Variants in TMEM106B observed in about 807,000 individuals in gnomAD.
TMEM106B encodes transmembrane protein 106B.
A neutral mutation model predicts 31.1 loss-of-function variants in TMEM106B; 15 were observed. That is an observed-to-expected ratio of 0.48 (90% CI 0.32 to 0.74). TMEM106B has a LOEUF of 0.74. TMEM106B is among the 30% of genes least tolerant of loss of function. TMEM106B has a pLI of 0.03. For missense variants in TMEM106B, 283 were observed against 327.3 expected (o/e 0.86, Z 1.04); for synonymous variants, 126 against 112.5 (o/e 1.12, Z -0.76).
chr7:12,214,774 C>A, intron 1 of TMEM106B, 35 bp from the exon 2 acceptor site: 2 of 1,518,192 alleles, frequency 1.3e-6, no homozygotes, highest in Non-Finnish European at 8.9e-7. Flanking sequence ...ACTTTTTTCC[C>A]TGAAGTTTAC....
At chr7:12,216,928 A>G (rs1235559401) in intron 2 of TMEM106B, among the ~76,000 whole-genome samples, 2 of 152,078 alleles carry the variant, frequency 1.3e-5, no homozygotes, top group Admixed American at 6.6e-5. Context: ...TGCATAGGAG[A>G]TGTTACATAG....
intron 1 of TMEM106B, among the ~76,000 whole-genome samples, chr7:12,213,362 C>T (rs573270586): frequency 6.6e-6 from 1 of 151,884 alleles, no homozygotes; most frequent in South Asian, 2.1e-4. Flanking sequence ...ATGTTTAAAG[C>T]AAGAAATTTA....
In TMEM106B at chr7:12,224,113, C is replaced by T. The variant is rs964803339; in HGVS notation, c.282-113C>T. ...GATGTGAAAATTTGGTAACATTTAG[C>T]ATCTTATATATGTTGCTGCTGATAT... is the stretch of plus-strand genomic sequence containing the variant. On this transcript the variant is annotated intron_variant, in intron 3 of 7. Transcript: ENST00000396668. The T allele has an allele frequency of 2.3e-5, 22 of 950,656 alleles. No individual in the cohort carries two copies. The Admixed American group carries it at 4.7e-4, about 20-fold the overall frequency. The allele number at this position is 950,656 out of a possible 1,614,324, so 58.9% of individuals were successfully genotyped here. A position where few individuals can be genotyped will look rare whatever the true frequency, so the allele number is the denominator to read the frequency against.
At chr7:12,222,626 C>CTA (rs1781810090) in intron 3 of TMEM106B, among the ~76,000 whole-genome samples, 1 of 152,136 alleles carries the variant, frequency 6.6e-6, no homozygotes, top group South Asian at 2.1e-4. Context: ...GTTATAGATA[C>CTA]TATAAACGTG....
intron 4 of TMEM106B, among the ~76,000 whole-genome samples, chr7:12,225,782 A>G (rs1781888748): frequency 6.6e-6 from 1 of 152,154 alleles, no homozygotes; most frequent in African/African-American, 2.4e-5. Flanking sequence ...GTAGATAGCA[A>G]AAATTTTCTC....
rs1782170624 is a variant in TMEM106B, at chr7:12,237,855, A to ACACACT, written c.*5881_*5882insACACTC. The ACACACT allele has an allele frequency of 6.7e-6, 1 of 148,212 alleles. No individual in the cohort carries two copies. Among genetic ancestry groups the ACACACT allele is most frequent in the Non-Finnish European group, 1.5e-5 (1 of 66,918 alleles). 9.2% of individuals were successfully genotyped at this position (148,212 alleles called of 1,614,324 possible). A position where few individuals can be genotyped will look rare whatever the true frequency, so the allele number is the denominator to read the frequency against. ...CACACACACACACACACACACACAC[A>ACACACT]CTATTGCTAAAAAATGTTAACGATC... On this transcript the variant is annotated 3_prime_UTR_variant, in exon 8 of 8. Transcript: ENST00000396668.
chr7:12,228,445 T>G (rs1275855959), intron 4 of TMEM106B, among the ~76,000 whole-genome samples: 1 of 112,178 alleles, frequency 8.9e-6, no homozygotes, highest in Non-Finnish European at 1.8e-5. Context: ...AAATCTTTCC[T>G]AATTATCTGA....
intron 4 of TMEM106B, among the ~76,000 whole-genome samples, chr7:12,227,231 G>A (rs1781918872): frequency 6.6e-6 from 1 of 151,936 alleles, no homozygotes; most frequent in Non-Finnish European, 1.5e-5. Flanking sequence ...CTATAAGTAT[G>A]TTGAAAATGG....
At chr7:12,229,573 T>G in intron 4 of TMEM106B, 106 bp from the exon 5 acceptor site, 2 of 975,176 alleles carry the variant, frequency 2.1e-6, no homozygotes, top group Non-Finnish European at 2.9e-6. Flanking sequence ...TTACTTTCTT[T>G]TTCTTAATAA....
At position 12,229,443 on chromosome 7, in the gene TMEM106B, GAA is replaced by G. The variant is rs546560602; in HGVS notation, c.442-235_442-234del. The stretch of plus-strand genomic sequence containing the variant: ...AACAGCTTACTAATGTCCATATTCT[GAA>G]GCTATACATTTTGTTTTTTTTAAAT... On this transcript the variant is annotated intron_variant, in intron 4 of 7. Transcript: ENST00000396668. 3.6e-3 allele frequency among the ~76,000 whole-genome samples: 554 copies of G among 152,166 alleles called. 5 individuals carry two copies. The highest frequency in any genetic ancestry group is 0.013 in the African/African-American group (532 of 41,516).
Position 12,239,775 on chromosome 7 carries a change from A to G in TMEM106B, c.*7800A>G, listed in dbSNP as rs1429920900. On this transcript the variant is annotated 3_prime_UTR_variant, in exon 8 of 8. Transcript: ENST00000396668. ...ATTACTTTCACTGCCTTACATGGGT[A>G]TGGTTCATGCTGCCTCCAAATACTT... The G allele has an allele frequency of 6.6e-6, 1 of 152,192 alleles. No homozygotes were observed. Among genetic ancestry groups the G allele is most frequent in the Non-Finnish European group, 1.5e-5 (1 of 68,032 alleles). The allele number at this position is 152,192 out of a possible 1,614,324, so 9.4% of individuals were successfully genotyped here. A position where few individuals can be genotyped will look rare whatever the true frequency, so the allele number is the denominator to read the frequency against.
At chr7:12,219,094 C>T (rs898935244) in intron 3 of TMEM106B, among the ~76,000 whole-genome samples, 4 of 152,084 alleles carry the variant, frequency 2.6e-5, no homozygotes, top group Non-Finnish European at 5.9e-5. Context: ...TCTTCGAGAT[C>T]AGAAGGAACT....
rs1241139744 is a variant in TMEM106B at position 12,241,740 on chromosome 7, G to A, written c.*9765G>A. 1 of 152,152 alleles carries A rather than the reference G, an allele frequency of 6.6e-6. No homozygotes were observed. The highest frequency in any genetic ancestry group is 1.5e-5 in the Non-Finnish European group (1 of 68,056). The allele number at this position is 152,152 out of a possible 1,614,324, so 9.4% of individuals were successfully genotyped here. A position where few individuals can be genotyped will look rare whatever the true frequency, so the allele number is the denominator to read the frequency against. On this transcript the variant is annotated 3_prime_UTR_variant, in exon 8 of 8. Transcript: ENST00000396668. Reference sequence around the variant, plus strand: ...TGTGTATGTGTCTTTACAGTAAAATGATTTATAATCTTTTGGGTATACACC... The same window carrying A: ...TGTGTATGTGTCTTTACAGTAAAATAATTTATAATCTTTTGGGTATACACC...
chr7:12,228,990 T>C (rs1301165873), intron 4 of TMEM106B, among the ~76,000 whole-genome samples: 2 of 152,134 alleles, frequency 1.3e-5, no homozygotes, highest in African/African-American at 4.8e-5. Context: ...GTAAGGGCTC[T>C]TTGCATGTTA....
In TMEM106B at chr7:12,242,051, A is replaced by G. The variant is rs1481693573; in HGVS notation, c.*10076A>G. On this transcript the variant is annotated 3_prime_UTR_variant, in exon 8 of 8. Coordinates refer to ENST00000396668, the MANE Select transcript of TMEM106B (RefSeq NM_001134232.2). The stretch of plus-strand genomic sequence containing the variant: ...GGCTGCATAAATGTCTTCTTTTGAG[A>G]AGTGTAAGGTACTTAATTCTTAAAT... 1 of 152,008 alleles carries G rather than the reference A, an allele frequency of 6.6e-6. No homozygotes were observed. The highest frequency in any genetic ancestry group is 6.6e-5 in the Admixed American group (1 of 15,252). 9.4% of individuals were successfully genotyped at this position (152,008 alleles called of 1,614,324 possible).
At position 12,238,825 on chromosome 7, in the gene TMEM106B, T is replaced by C. The variant is rs1782190777; in HGVS notation, c.*6850T>C. 6.6e-6 allele frequency: 1 copy of C among 152,148 alleles called. No homozygotes were observed. The allele number at this position is 152,148 out of a possible 1,614,324, so 9.4% of individuals were successfully genotyped here. A position where few individuals can be genotyped will look rare whatever the true frequency, so the allele number is the denominator to read the frequency against. Reference sequence around the variant, plus strand: ...TTCAGTGAACCGTGTTGTAAACAGATGTCATATTATCCAGACTGTTCCATT... The same window carrying C: ...TTCAGTGAACCGTGTTGTAAACAGACGTCATATTATCCAGACTGTTCCATT... On this transcript the variant is annotated 3_prime_UTR_variant, in exon 8 of 8. Transcript: ENST00000396668.
At chr7:12,229,063 T>C (rs1020718008) in intron 4 of TMEM106B, among the ~76,000 whole-genome samples, 4 of 152,144 alleles carry the variant, frequency 2.6e-5, no homozygotes, top group Non-Finnish European at 4.4e-5. Flanking sequence ...ATGGATTTTG[T>C]TTATGTTACC....
Position 12,238,664 on chromosome 7 carries a change from T to C in TMEM106B, c.*6689T>C, listed in dbSNP as rs974348284. 4.6e-5 allele frequency: 7 copies of C among 152,182 alleles called. No homozygotes were observed. Among genetic ancestry groups the C allele is most frequent in the African/African-American group, 1.7e-4 (7 of 41,444 alleles). 9.4% of individuals were successfully genotyped at this position (152,182 alleles called of 1,614,324 possible). Reference sequence around the variant, plus strand: ...CATGGCTGCAGAATGCACGTTGTGTTAAGAGGCATGAAAACAACATTAATC... The same window carrying C: ...CATGGCTGCAGAATGCACGTTGTGTCAAGAGGCATGAAAACAACATTAATC... On this transcript the variant is annotated 3_prime_UTR_variant, in exon 8 of 8. Coordinates refer to ENST00000396668, the MANE Select transcript of TMEM106B (RefSeq NM_001134232.2).
chr7:12,214,756 T>C, intron 1 of TMEM106B, 53 bp from the exon 2 acceptor site: 1 of 1,375,676 alleles, frequency 7.3e-7, no homozygotes, highest in East Asian at 2.5e-5. Flanking sequence ...CAGAGTGTTC[T>C]TGAATGTACT....
Sources: gnomAD v4.1 joint callset for allele counts (sites outside exome capture counted in the v4.1 genomes callset) on GRCh38, gnomAD v4.1.1 for gene constraint, MANE v1.5 for transcripts, NCBI Gene and HGNC (gene_info 2026-07-23, HGNC 2026-07-21) for gene names.